DYM: variants seen among roughly 807,000 people sequenced by gnomAD.
DYM encodes the protein dyggve-Melchior-Clausen syndrome protein.
In DYM, 78 loss-of-function variants were observed where a neutral mutation model predicts 93.1. The observed-to-expected ratio is 0.84, with a 90% CI of 0.70 to 1.01. The LOEUF (loss-of-function observed/expected upper bound fraction) is 1.01. Ranked by LOEUF, DYM falls within the 50% of genes least tolerant of loss-of-function variation. The pLI is 0.00. For synonymous variants in DYM, 321 were observed against 319.7 expected (o/e 1.00, Z -0.04); for missense variants, 789 against 845.0 (o/e 0.93, Z 0.82).
intron 17 of DYM, among the ~76,000 whole-genome samples, chr18:49,071,140 A>G (rs2076852760): frequency 6.6e-6 from 1 of 152,200 alleles, no homozygotes; most frequent in Non-Finnish European, 1.5e-5. Flanking sequence ...TTTATTTTTC[A>G]TGCCTGTATC....
intron 16 of DYM, among the ~76,000 whole-genome samples, chr18:49,117,591 T>C (rs1359359800): frequency 6.6e-6 from 1 of 152,210 alleles, no homozygotes; most frequent in African/African-American, 2.4e-5. Flanking sequence ...AGACTTTTCT[T>C]GGTTGTATGT....
At chr18:49,081,497 AGAGAGG>A (rs1276251667) in intron 17 of DYM, among the ~76,000 whole-genome samples, 1 of 134,782 alleles carries the variant, frequency 7.4e-6, no homozygotes, top group Non-Finnish European at 1.5e-5. Context: ...GACCGTGGAA[AGAGAGG>A]GAGAGGGAGA....
At chr18:49,140,076 CTT>C (rs539197173) in intron 15 of DYM, among the ~76,000 whole-genome samples, 34 of 152,236 alleles carry the variant, frequency 2.2e-4, no homozygotes, top group African/African-American at 6.7e-4. Context: ...AAATAAATGA[CTT>C]GATGATTCTA....
At chr18:49,312,891 A>G (rs2061685902) in intron 8 of DYM, among the ~76,000 whole-genome samples, 1 of 152,168 alleles carries the variant, frequency 6.6e-6, no homozygotes, top group South Asian at 2.1e-4. Flanking sequence ...AGAAGCACAG[A>G]TTTAGGTACC....
Position 49,392,755 on chromosome 18 carries a change from G to A in DYM, c.141-1110C>T, listed in dbSNP as rs1196219052. 2.0e-5 allele frequency among the ~76,000 whole-genome samples: 3 copies of A among 148,094 alleles called. No individual in the cohort carries two copies. The Admixed American group carries it at 2.0e-4, about 10-fold the overall frequency. Reference sequence around the variant, plus strand: ...TCACACCTGTAATCCCAGCACTTTGGGAGGCTGAGGAGGGCAGATAACTTG... The same window carrying A: ...TCACACCTGTAATCCCAGCACTTTGAGAGGCTGAGGAGGGCAGATAACTTG... On this transcript the variant is annotated intron_variant, in intron 2 of 17. Coordinates refer to ENST00000675505, the MANE Select transcript of DYM (RefSeq NM_001353214.3).
chr18:49,143,033 T>C (rs2084699922), intron 15 of DYM, among the ~76,000 whole-genome samples: 1 of 152,224 alleles, frequency 6.6e-6, no homozygotes, highest in African/African-American at 2.4e-5. Context: ...TCCTGAACAA[T>C]GATAATCATA....
At position 49,265,345 on chromosome 18, in the gene DYM, TAG is replaced by T. The variant is rs558342491; in HGVS notation, c.1251+6831_1251+6832del. Among the ~76,000 whole-genome samples the T allele has an allele frequency of 1.9e-4, 29 of 152,300 alleles. No homozygotes were observed. The South Asian group carries it at 5.6e-3, about 29-fold the overall frequency. On this transcript the variant is annotated intron_variant, in intron 11 of 17. Transcript: ENST00000675505. The stretch of plus-strand genomic sequence containing the variant: ...AAATTCTGATGAAAATCCCCAAATC[TAG>T]AGAGAGAAACAAGTTTGGTAGGTTT...
intron 15 of DYM, among the ~76,000 whole-genome samples, chr18:49,148,447 A>C (rs1226387297): frequency 6.6e-6 from 1 of 152,056 alleles, no homozygotes; most frequent in Non-Finnish European, 1.5e-5. Context: ...TTGTAGACAC[A>C]GGGTCTCCCT....
At position 49,418,734 on chromosome 18, in the gene DYM, G is replaced by T. The variant is rs112663452; in HGVS notation, c.140+11521C>A. ...GTCTCCTCTACTGAGATTCATCTTAGCCCTGAATAATTCATGAACTAGGTA... is the reference window on the plus strand; with the variant it reads ...GTCTCCTCTACTGAGATTCATCTTATCCCTGAATAATTCATGAACTAGGTA... On this transcript the variant is annotated intron_variant, in intron 2 of 17. Transcript: ENST00000675505. Among the ~76,000 whole-genome samples, 1,351 of 152,230 alleles carry T rather than the reference G, an allele frequency of 8.9e-3. 8 individuals carry two copies. The highest frequency in any genetic ancestry group is 0.013 in the Non-Finnish European group (873 of 68,012).
chr18:49,240,227 A>G (rs2093977865), intron 13 of DYM, among the ~76,000 whole-genome samples: 1 of 152,154 alleles, frequency 6.6e-6, no homozygotes, highest in South Asian at 2.1e-4. Flanking sequence ...CACTCTACCT[A>G]TCTCATCCTG....
chr18:49,080,642 ACCC>A (rs1228004512), intron 17 of DYM, among the ~76,000 whole-genome samples: 1 of 111,302 alleles, frequency 9.0e-6, no homozygotes, highest in Admixed American at 9.1e-5. Context: ...CGGGGGGCTG[ACCC>A]CCCCCACCTC....
At chr18:49,232,713 A>G (rs1453481486) in intron 13 of DYM, among the ~76,000 whole-genome samples, 2 of 147,276 alleles carry the variant, frequency 1.4e-5, no homozygotes, top group South Asian at 2.2e-4. Flanking sequence ...GGTTCAAGCG[A>G]TTCTCCTGCC....
At chr18:49,178,531 T>C (rs556376998) in intron 14 of DYM, among the ~76,000 whole-genome samples, 1 of 152,216 alleles carries the variant, frequency 6.6e-6, no homozygotes, top group Non-Finnish European at 1.5e-5. Flanking sequence ...TTGGAAAATA[T>C]GTGGAACTGC....
At chr18:49,309,972 G>C (rs2061493473) in intron 8 of DYM, among the ~76,000 whole-genome samples, 1 of 152,134 alleles carries the variant, frequency 6.6e-6, no homozygotes, top group African/African-American at 2.4e-5. Context: ...TCAGTGTATA[G>C]CCAGCCATCC....
At chr18:49,128,038 C>T (rs1017380105) in intron 15 of DYM, among the ~76,000 whole-genome samples, 12 of 152,212 alleles carry the variant, frequency 7.9e-5, no homozygotes, top group African/African-American at 2.9e-4. Context: ...CGTTCTTTAA[C>T]ATACACTACT....
intron 13 of DYM, among the ~76,000 whole-genome samples, chr18:49,214,212 C>G (rs1361502864): frequency 6.6e-6 from 1 of 152,216 alleles, no homozygotes; most frequent in African/African-American, 2.4e-5. Context: ...AGGTGAGTGG[C>G]AGTTGAATGA....
At chr18:49,194,085 C>T (rs574301193) in intron 14 of DYM, among the ~76,000 whole-genome samples, 28 of 152,124 alleles carry the variant, frequency 1.8e-4, no homozygotes, top group Non-Finnish European at 2.8e-4. Flanking sequence ...TCTCCATATA[C>T]GGAAACCCTG....
chr18:49,437,114 T>TACAAAAG (rs2148530617), intron 1 of DYM, among the ~76,000 whole-genome samples: 1 of 152,282 alleles, frequency 6.6e-6, no homozygotes, highest in Non-Finnish European at 1.5e-5. Flanking sequence ...TGGTACAAAA[T>TACAAAAG]ACAAAAGCTT....
chr18:49,345,807 A>G (rs1270735931), intron 6 of DYM, among the ~76,000 whole-genome samples: 1 of 152,218 alleles, frequency 6.6e-6, no homozygotes, highest in Non-Finnish European at 1.5e-5. Context: ...AGGCAAACTG[A>G]AAAAAATATT....
Sources: allele counts gnomAD v4.1 joint callset (sites outside exome capture counted in the v4.1 genomes callset), GRCh38; gene constraint gnomAD v4.1.1; transcripts MANE v1.5; gene names NCBI Gene and HGNC (gene_info 2026-07-23, HGNC 2026-07-21).